The following CEP41 variants were observed in gnomAD, a reference collection of about 807,000 sequenced individuals.
The protein encoded by CEP41 is centrosomal protein of 41 kDa.
In CEP41, 32 loss-of-function variants were observed where a neutral mutation model predicts 44.3. That is an observed-to-expected ratio of 0.72 (90% CI 0.54 to 0.97). The LOEUF (loss-of-function observed/expected upper bound fraction) is 0.97. Among genes scored for constraint, CEP41 ranks in the 50% least tolerant of loss-of-function variants. The pLI, the probability that CEP41 is intolerant of heterozygous loss-of-function variation, is 0.00. For missense variants in CEP41, 432 were observed against 455.2 expected, an observed-to-expected ratio of 0.95 and a Z score of 0.46; for synonymous variants, 151 against 168.5, an observed-to-expected ratio of 0.90 and a Z score of 0.80.
At chr7:130,402,943 T>C in intron 6 of CEP41, 144 bp from the exon 7 acceptor site, 2 of 860,886 alleles carry the variant, frequency 2.3e-6, no homozygotes, top group Non-Finnish European at 3.9e-6. Flanking sequence ...ACGTGGTGTC[T>C]CAGTTCTGCC....
At chr7:130,430,335 A>G (rs566869753) in intron 1 of CEP41, among the ~76,000 whole-genome samples, 18 of 152,194 alleles carry the variant, frequency 1.2e-4, no homozygotes, top group Non-Finnish European at 2.4e-4. Flanking sequence ...ATTAAAAACC[A>G]TTCATGACAT....
At chr7:130,420,875 AT>A (rs1797487241) in intron 2 of CEP41, 2 of 923,130 alleles carry the variant, frequency 2.2e-6, no homozygotes, top group Admixed American at 6.2e-5. Flanking sequence ...TTATTTTATA[AT>A]GCAAATACTT....
intron 5 of CEP41, among the ~76,000 whole-genome samples, chr7:130,405,921 C>T (rs1004475426): frequency 8.5e-5 from 13 of 152,082 alleles, no homozygotes; most frequent in Admixed American, 2.0e-4. Flanking sequence ...CAGCACATCA[C>T]GACAGACACC....
chr7:130,400,658 G>T, intron 9 of CEP41, 49 bp downstream of exon 9: 1 of 1,118,052 alleles, frequency 8.9e-7, no homozygotes, highest in Non-Finnish European at 1.3e-6. Flanking sequence ...AGGTGGGACT[G>T]AAGGATGATC....
At chr7:130,401,435 A>G (rs1796840417) in intron 8 of CEP41, among the ~76,000 whole-genome samples, 1 of 150,760 alleles carries the variant, frequency 6.6e-6, no homozygotes, top group African/African-American at 2.5e-5. Flanking sequence ...TATACTAATA[A>G]TGTAATAGAA....
At position 130,396,889 on chromosome 7, in the gene CEP41, A is replaced by G; in HGVS notation, c.*2002T>C. 4.5e-6 allele frequency: 2 copies of G among 447,560 alleles called. No individual in the cohort carries two copies. Among genetic ancestry groups the G allele is most frequent in the Non-Finnish European group, 8.9e-6 (2 of 223,644 alleles). 27.7% of individuals were successfully genotyped at this position (447,560 alleles called of 1,614,324 possible). On this transcript the variant is annotated 3_prime_UTR_variant, in exon 11 of 11. Transcript: ENST00000223208. ...TATATACAGTGGTTTCTAATACTCC[A>G]AAGTTGTCTGACGATGGGAACGCAG...
intron 1 of CEP41, among the ~76,000 whole-genome samples, chr7:130,431,202 T>A (rs147781051): frequency 2.3e-4 from 35 of 152,212 alleles, no homozygotes; most frequent in South Asian, 6.2e-4. Context: ...TATTTAAAAT[T>A]CTTGCTTTGT....
chr7:130,434,205 T>C (rs1410741900), intron 1 of CEP41, among the ~76,000 whole-genome samples: 2 of 152,262 alleles, frequency 1.3e-5, no homozygotes, highest in Admixed American at 6.5e-5. Flanking sequence ...TAACATTTAT[T>C]GAGTACTTAC....
intron 3 of CEP41, among the ~76,000 whole-genome samples, chr7:130,416,641 A>C (rs1192646298): frequency 6.6e-6 from 1 of 152,230 alleles, no homozygotes; most frequent in African/African-American, 2.4e-5. Flanking sequence ...TAGAAGCTTA[A>C]GCAGAGCTCA....
At chr7:130,421,655 T>C in intron 2 of CEP41, 1 of 1,063,282 alleles carries the variant, frequency 9.4e-7, no homozygotes, top group Non-Finnish European at 1.1e-6. Flanking sequence ...AAAAGGAAGG[T>C]GAATTTTTAA....
At chr7:130,421,656 G>T (rs1797513146) in intron 2 of CEP41, 3 of 1,064,902 alleles carry the variant, frequency 2.8e-6, no homozygotes, top group Non-Finnish European at 2.3e-6. Context: ...AAAGGAAGGT[G>T]AATTTTTAAA....
rs567657722 is a variant in CEP41 at position 130,435,063 on chromosome 7, T to C, written c.33+5871A>G. 1.3e-3 allele frequency among the ~76,000 whole-genome samples: 194 copies of C among 152,208 alleles called. 1 individual carries two copies. Among genetic ancestry groups the C allele is most frequent in the Admixed American group, 5.8e-3 (89 of 15,288 alleles). On this transcript the variant is annotated intron_variant, in intron 1 of 10. Coordinates refer to ENST00000223208, the MANE Select transcript of CEP41 (RefSeq NM_018718.3). ...AAGATCTCCAGGATATATTGTTAAG[T>C]GAAAAAAATCAAGTCAAAGAACTAT...
At chr7:130,419,218 G>A in intron 2 of CEP41, 6 of 985,354 alleles carry the variant, frequency 6.1e-6, no homozygotes, top group Non-Finnish European at 7.2e-6. Flanking sequence ...AAATCTGAGA[G>A]GACTACTGAT....
rs146622910 is a variant in CEP41 at position 130,398,211 on chromosome 7, C to T, written c.*680G>A. On this transcript the variant is annotated 3_prime_UTR_variant, in exon 11 of 11. Transcript: ENST00000223208. Reference sequence around the variant, plus strand: ...CGGTGTGAAGACACCCACATGCATACCTTTCTGGCTCCAGGAAATATCTAG... The same window carrying T: ...CGGTGTGAAGACACCCACATGCATATCTTTCTGGCTCCAGGAAATATCTAG... 1.8e-3 allele frequency: 802 copies of T among 454,034 alleles called. 6 individuals carry two copies. The highest frequency in any genetic ancestry group is 4.7e-3 in the South Asian group (302 of 64,442). The allele number at this position is 454,034 out of a possible 1,614,324, so 28.1% of individuals were successfully genotyped here.
At chr7:130,433,492 T>C (rs1437318166) in intron 1 of CEP41, among the ~76,000 whole-genome samples, 1 of 152,052 alleles carries the variant, frequency 6.6e-6, no homozygotes, top group Non-Finnish European at 1.5e-5. Flanking sequence ...GATAGGTAGG[T>C]GGTCAGAATG....
intron 4 of CEP41, 67 bp downstream of exon 4, chr7:130,412,112 T>A: frequency 1.1e-6 from 1 of 888,610 alleles, no homozygotes; most frequent in Non-Finnish European, 1.9e-6. Flanking sequence ...TAGAGTTGAA[T>A]TTAGAAATAC....
At chr7:130,416,267 C>T (rs1554420861) in intron 3 of CEP41, among the ~76,000 whole-genome samples, 1 of 152,220 alleles carries the variant, frequency 6.6e-6, no homozygotes, top group African/African-American at 2.4e-5. Flanking sequence ...ATAGATGTTT[C>T]TACTTCTTCC....
Position 130,398,966 on chromosome 7 carries a change from T to A in CEP41, c.1047A>T (p.Pro349=). Residue 349 remains proline (P), a synonymous_variant, in exon 11 of 11, where the codon CCA becomes CCT. Coordinates refer to ENST00000223208, the MANE Select transcript of CEP41 (RefSeq NM_018718.3). The stretch of plus-strand genomic sequence containing the variant: ...TTGAGTGGCTGGCGGGGCCGCCACC[T>A]GGCAGATTCTGAGCGCTTCGGGCAC... The part of the protein sequence containing the change: ...VPGARSAQNL[P]GGGPASHSNP... The A allele has an allele frequency of 6.2e-7, 1 of 1,614,234 alleles. No homozygotes were observed. Among genetic ancestry groups the A allele is most frequent in the Non-Finnish European group, 8.5e-7 (1 of 1,180,040 alleles).
rs782301876 is a variant in CEP41, at chr7:130,428,051, TTA to T, written c.34-35_34-34del. The T allele has an allele frequency of 2.9e-6, 4 of 1,383,460 alleles. No homozygotes were observed. In the Admixed American group the frequency reaches 6.7e-5, roughly 23 times the overall value. 85.7% of individuals were successfully genotyped at this position (1,383,460 alleles called of 1,614,324 possible). Reference sequence around the variant, plus strand: ...ATAAGGAAATTCACAATTAATTGGGTTAATGTAAGGATAACGATAAGGTAAAG... The same window carrying T: ...ATAAGGAAATTCACAATTAATTGGGTATGTAAGGATAACGATAAGGTAAAG... On this transcript the variant is annotated intron_variant, in intron 1 of 10. Coordinates refer to ENST00000223208, the MANE Select transcript of CEP41 (RefSeq NM_018718.3).
Sources: gnomAD v4.1 joint callset for allele counts (sites outside exome capture counted in the v4.1 genomes callset) on GRCh38, gnomAD v4.1.1 for gene constraint, MANE v1.5 for transcripts, NCBI Gene and HGNC (gene_info 2026-07-23, HGNC 2026-07-21) for gene names.